The following ABCB7 variants were observed in gnomAD, a reference collection of about 807,000 sequenced individuals.
The protein encoded by ABCB7 is ATP binding cassette subfamily B member 7, also known as iron-sulfur clusters transporter ABCB7, mitochondrial.
A neutral mutation model predicts 54.4 loss-of-function variants in ABCB7; 7 were observed. The observed-to-expected ratio is 0.13, with a 90% CI of 0.07 to 0.24. The LOEUF (loss-of-function observed/expected upper bound fraction) is 0.24, where lower values mean the gene tolerates loss of function less well. ABCB7 is among the 10% of genes least tolerant of loss of function. ABCB7 has a pLI of 1.00. For missense variants in ABCB7, 356 were observed against 570.4 expected (o/e 0.62, Z 3.83); for synonymous variants, 218 against 207.1 (o/e 1.05, Z -0.45).
intron 5 of ABCB7, 131 bp downstream of exon 5, chrX:75,076,391 C>T: frequency 1.2e-6 from 1 of 855,679 alleles, no homozygotes; most frequent in Admixed American, 2.5e-5. Flanking sequence ...ACATACAAAA[C>T]ATCTCACATA....
At chrX:75,108,581 G>GA (rs776151797) in intron 3 of ABCB7, among the ~76,000 whole-genome samples, 5,388 of 69,739 alleles carry the variant, frequency 0.077, 193 homozygotes, top group African/African-American at 0.14. Context: ...ATTAGATCCA[G>GA]AAAAAAAAAA....
At chrX:75,057,328 C>T (rs2081248638) in intron 15 of ABCB7, among the ~76,000 whole-genome samples, 1 of 103,593 alleles carries the variant, frequency 9.7e-6, no homozygotes, top group South Asian at 4.2e-4. Flanking sequence ...TTGTATCTTA[C>T]TTTTTTTTTT....
intron 1 of ABCB7, among the ~76,000 whole-genome samples, chrX:75,124,356 T>C (rs761220856): frequency 1.1e-4 from 12 of 112,261 alleles, no homozygotes; most frequent in Non-Finnish European, 2.3e-4. Flanking sequence ...GAAAAGGTCC[T>C]GACAAAAGTT....
chrX:75,128,307 C>A (rs1221308117), intron 1 of ABCB7, among the ~76,000 whole-genome samples: 1 of 111,200 alleles, frequency 9.0e-6, no homozygotes, highest in African/African-American at 3.3e-5. Flanking sequence ...CATCTACAAC[C>A]ATCTGATCTT....
rs140604646 is a variant in ABCB7, at chrX:75,061,905, A to G, written c.1935+423T>C. 6.5e-3 allele frequency among the ~76,000 whole-genome samples: 725 copies of G among 112,390 alleles called. 10 individuals are homozygous for G. The highest frequency in any genetic ancestry group is 0.022 in the African/African-American group (684 of 30,963). Reference sequence around the variant, plus strand: ...CTTGCATCTCATGAGTCGCTCCATGATAAGTGAAAGGCTTTCTGGTATGTA... The same window carrying G: ...CTTGCATCTCATGAGTCGCTCCATGGTAAGTGAAAGGCTTTCTGGTATGTA... On this transcript the variant is annotated intron_variant, in intron 14 of 15. Coordinates refer to ENST00000373394, the MANE Select transcript of ABCB7 (RefSeq NM_001271696.3).
chrX:75,096,772 C>T (rs1334736694), intron 4 of ABCB7, among the ~76,000 whole-genome samples: 1 of 110,171 alleles, frequency 9.1e-6, no homozygotes, highest in Non-Finnish European at 1.9e-5. Context: ...ATTCTCTCAT[C>T]CTGGAATCCT....
chrX:75,122,860 G>GT lies in ABCB7; in HGVS notation c.169-8030_169-8029insA, dbSNP rs1209362257. Among the ~76,000 whole-genome samples the GT allele has an allele frequency of 4.3e-3, 289 of 67,561 alleles. 1 individual carries two copies. Among genetic ancestry groups the GT allele is most frequent in the African/African-American group, 0.012 (247 of 19,825 alleles). 58.7% of individuals were successfully genotyped at this position (67,561 alleles called of 115,157 possible). ...AAGTCCTTTGCCCATTTTAAAATTG[G>GT]GGTGTGTGTGTGTGTGTGTGTGTGT... is the stretch of plus-strand genomic sequence containing the variant. On this transcript the variant is annotated intron_variant, in intron 1 of 15. Transcript: ENST00000373394.
At chrX:75,099,186 G>C in intron 3 of ABCB7, 125 bp from the exon 4 acceptor site, 1 of 783,351 alleles carries the variant, frequency 1.3e-6, no homozygotes, top group Non-Finnish European at 1.8e-6. Context: ...CTTTTATTCT[G>C]AATCTAAGGC....
chrX:75,110,469 C>G (rs921645660), intron 3 of ABCB7, among the ~76,000 whole-genome samples: 2 of 111,658 alleles, frequency 1.8e-5, no homozygotes, highest in African/African-American at 6.5e-5. Context: ...TTTTAATATT[C>G]CAAGTTACTG....
intron 3 of ABCB7, among the ~76,000 whole-genome samples, chrX:75,101,114 G>A (rs1171865879): frequency 3.6e-5 from 4 of 111,074 alleles, no homozygotes; most frequent in African/African-American, 1.3e-4. Context: ...CTGTGAGTGG[G>A]TGGAATCATT....
intron 1 of ABCB7, among the ~76,000 whole-genome samples, chrX:75,127,542 ATTGC>A (rs2081942872): frequency 1.8e-5 from 2 of 111,888 alleles, no homozygotes; most frequent in South Asian, 7.5e-4. Flanking sequence ...TCAACATAGT[ATTGC>A]AAGTTCTGGC....
intron 4 of ABCB7, among the ~76,000 whole-genome samples, chrX:75,076,878 T>A (rs1381093864): frequency 9.0e-6 from 1 of 111,478 alleles, no homozygotes; most frequent in Non-Finnish European, 1.9e-5. Flanking sequence ...ATTTATAAGC[T>A]ATGTGAATTA....
At chrX:75,135,339 A>C (rs1373785528) in intron 1 of ABCB7, among the ~76,000 whole-genome samples, 1 of 111,020 alleles carries the variant, frequency 9.0e-6, no homozygotes, top group Non-Finnish European at 1.9e-5. Context: ...TAAAAAGCCT[A>C]CCAACCAGGA....
intron 3 of ABCB7, among the ~76,000 whole-genome samples, chrX:75,109,875 G>C (rs755003696): frequency 8.9e-6 from 1 of 111,751 alleles, no homozygotes; most frequent in African/African-American, 3.2e-5. Context: ...TACTATTAAA[G>C]ATAACAATGG....
At chrX:75,058,150 C>T (rs2081256189) in intron 15 of ABCB7, among the ~76,000 whole-genome samples, 2 of 111,447 alleles carry the variant, frequency 1.8e-5, no homozygotes, top group Non-Finnish European at 3.8e-5. Flanking sequence ...CGCCACTTTT[C>T]ATCATATCTG....
At chrX:75,101,546 C>T (rs746188164) in intron 3 of ABCB7, among the ~76,000 whole-genome samples, 1 of 111,065 alleles carries the variant, frequency 9.0e-6, no homozygotes, top group South Asian at 3.8e-4. Flanking sequence ...TTTATACACA[C>T]ACATATGCAT....
chrX:75,071,855 T>C (rs1035903516), intron 8 of ABCB7, among the ~76,000 whole-genome samples, 172 bp from the exon 9 acceptor site: 9 of 111,634 alleles, frequency 8.1e-5, no homozygotes, highest in African/African-American at 2.9e-4. Context: ...TTTTCCATAA[T>C]GAATTGTATT....
At chrX:75,072,762 A>G (rs1023258581) in intron 8 of ABCB7, among the ~76,000 whole-genome samples, 1 of 111,254 alleles carries the variant, frequency 9.0e-6, no homozygotes, top group Non-Finnish European at 1.9e-5. Flanking sequence ...TTCTTTCTTC[A>G]ATAACACATT....
intron 1 of ABCB7, among the ~76,000 whole-genome samples, chrX:75,142,647 TATTCATCTATAA>T (rs2082062201): frequency 8.9e-6 from 1 of 112,595 alleles, no homozygotes; most frequent in Non-Finnish European, 1.9e-5. Context: ...AAGACTTCAA[TATTCATCTATAA>T]ATTGTTCACC....
Sources: gnomAD v4.1 joint callset for allele counts (sites outside exome capture counted in the v4.1 genomes callset) on GRCh38, gnomAD v4.1.1 for gene constraint, MANE v1.5 for transcripts, NCBI Gene and HGNC (gene_info 2026-07-23, HGNC 2026-07-21) for gene names.